Variants in SPIDR observed in about 807,000 individuals in gnomAD.
SPIDR encodes the protein scaffold protein involved in DNA repair, also known as DNA repair-scaffolding protein.
Under a neutral mutation model 104.6 loss-of-function variants are expected in SPIDR, and 93 were observed. The observed-to-expected ratio is 0.89, with a 90% CI of 0.75 to 1.06. The LOEUF (loss-of-function observed/expected upper bound fraction) is 1.06. Among genes scored for constraint, SPIDR ranks in the 50% least tolerant of loss-of-function variants. SPIDR has a pLI of 0.00. For missense variants in SPIDR, 1,154 were observed against 1,111.2 expected (o/e 1.04, Z -0.55); for synonymous variants, 431 against 416.9 (o/e 1.03, Z -0.41).
chr8:47,579,910 T>C (rs997316552), intron 8 of SPIDR, among the ~76,000 whole-genome samples: 3 of 152,238 alleles, frequency 2.0e-5, no homozygotes, highest in Non-Finnish European at 2.9e-5. Flanking sequence ...GGAGATGGTC[T>C]GGTATCTTGG....
At chr8:47,502,082 G>A (rs949369329) in intron 8 of SPIDR, among the ~76,000 whole-genome samples, 3 of 152,172 alleles carry the variant, frequency 2.0e-5, no homozygotes, top group Admixed American at 6.5e-5. Context: ...TGTGCATCAA[G>A]GATATTGGTC....
At chr8:47,379,923 C>G (rs540515294) in intron 5 of SPIDR, among the ~76,000 whole-genome samples, 16 of 152,342 alleles carry the variant, frequency 1.1e-4, no homozygotes, top group African/African-American at 3.4e-4. Flanking sequence ...TCCTAGAACA[C>G]TCACCTGGCT....
intron 9 of SPIDR, among the ~76,000 whole-genome samples, chr8:47,597,297 T>C (rs2061731741): frequency 1.3e-5 from 2 of 152,200 alleles, no homozygotes; most frequent in Admixed American, 1.3e-4. Context: ...ACATGTTCCA[T>C]GTTGGTGTGC....
chr8:47,536,298 A>G (rs961784312), intron 8 of SPIDR, among the ~76,000 whole-genome samples: 18 of 152,286 alleles, frequency 1.2e-4, no homozygotes, highest in African/African-American at 4.1e-4. Flanking sequence ...ACTGATTCTA[A>G]AGTTTCTGTT....
rs782042817 is a variant in SPIDR, at chr8:47,407,898, C to A, written c.814C>A (p.Arg272=). The change falls in exon 7 of 20, where the codon CGA becomes AGA. Residue 272 remains arginine (R), a synonymous_variant. Transcript: ENST00000297423. The part of the protein sequence containing the change: ...LAERLNGLQN[R]ERSAISLWRH... ...AGAAAGACTAAATGGACTGCAGAAT[C>A]GAGAGAGATCTGCTATTTCTTTGTG... 2.0e-5 allele frequency: 32 copies of A among 1,604,526 alleles called. No individual in the cohort carries two copies. The African/African-American group carries it at 4.0e-4, about 20-fold the overall frequency.
intron 5 of SPIDR, among the ~76,000 whole-genome samples, chr8:47,380,368 CT>C (rs1177936012): frequency 6.6e-6 from 1 of 152,126 alleles, no homozygotes; most frequent in Non-Finnish European, 1.5e-5. Flanking sequence ...GAAGGGGGTA[CT>C]TTTCATCTGT....
chr8:47,687,918 C>T (rs1056884982), intron 11 of SPIDR, among the ~76,000 whole-genome samples: 15 of 151,312 alleles, frequency 9.9e-5, no homozygotes, highest in Admixed American at 6.6e-4. Flanking sequence ...AAAAATTAGC[C>T]GAGTGTGGTG....
intron 8 of SPIDR, among the ~76,000 whole-genome samples, chr8:47,490,979 G>C (rs2078606810): frequency 6.6e-6 from 1 of 152,034 alleles, no homozygotes; most frequent in Non-Finnish European, 1.5e-5. Flanking sequence ...GTGTACCCTA[G>C]AACTTAAAGT....
intron 8 of SPIDR, among the ~76,000 whole-genome samples, chr8:47,450,069 TG>T (rs1349896363): frequency 6.6e-6 from 1 of 151,972 alleles, no homozygotes; most frequent in Non-Finnish European, 1.5e-5. Flanking sequence ...GAGGCTGAGG[TG>T]GGAGAATCAC....
chr8:47,307,718 T>C (rs984973087), intron 5 of SPIDR, among the ~76,000 whole-genome samples: 7 of 151,524 alleles, frequency 4.6e-5, no homozygotes, highest in African/African-American at 1.7e-4. Flanking sequence ...TTTGTATTTT[T>C]AGTAGAGATG....
At chr8:47,629,452 T>G (rs1031169143) in intron 10 of SPIDR, among the ~76,000 whole-genome samples, 6 of 152,216 alleles carry the variant, frequency 3.9e-5, no homozygotes, top group Admixed American at 1.3e-4. Flanking sequence ...TGTGTGCCAG[T>G]AGAACTTTAG....
At chr8:47,386,877 GGA>G (rs1241295166) in intron 5 of SPIDR, among the ~76,000 whole-genome samples, 3 of 100,194 alleles carry the variant, frequency 3.0e-5, no homozygotes, top group African/African-American at 7.7e-5. Flanking sequence ...GGGGACGAGG[GGA>G]GAGAGAGAGA....
At chr8:47,321,432 A>G (rs553122114) in intron 5 of SPIDR, among the ~76,000 whole-genome samples, 26 of 152,308 alleles carry the variant, frequency 1.7e-4, no homozygotes, top group Middle Eastern at 3.4e-3. Context: ...CCACTGCTCA[A>G]TGAAATAAAA....
Position 47,735,494 on chromosome 8 carries a change from G to A in SPIDR, c.*44G>A, listed in dbSNP as rs2086159251. On this transcript the variant is annotated 3_prime_UTR_variant, in exon 20 of 20. Coordinates refer to ENST00000297423, the MANE Select transcript of SPIDR (RefSeq NM_001080394.4). ...TGAACTTTGCAATGTGGCTGCAAGGGTGGTGGTGGTGGTGGTGATTTGGGG... is the reference window on the plus strand; with the variant it reads ...TGAACTTTGCAATGTGGCTGCAAGGATGGTGGTGGTGGTGGTGATTTGGGG... 4 of 1,607,552 alleles carry A rather than the reference G, an allele frequency of 2.5e-6. No individual in the cohort carries two copies. The East Asian group carries it at 9.0e-5, about 36-fold the overall frequency.
intron 8 of SPIDR, chr8:47,511,947 G>A (rs1347449157): frequency 2.5e-6 from 2 of 791,712 alleles, no homozygotes; most frequent in Non-Finnish European, 4.6e-6. Context: ...TATCACTAGG[G>A]GCTGTGCCTC....
At chr8:47,593,935 C>T (rs576322937) in intron 8 of SPIDR, among the ~76,000 whole-genome samples, 1 of 152,134 alleles carries the variant, frequency 6.6e-6, no homozygotes, top group Non-Finnish European at 1.5e-5. Flanking sequence ...CTCTGCCACA[C>T]TTCCTCTGGC....
At chr8:47,382,950 CAAAAT>C (rs2059490756) in intron 5 of SPIDR, among the ~76,000 whole-genome samples, 1 of 152,144 alleles carries the variant, frequency 6.6e-6, no homozygotes, top group Non-Finnish European at 1.5e-5. Context: ...TACAGATTGT[CAAAAT>C]AAAGAATCCC....
At chr8:47,378,989 C>T (rs1405297068) in intron 5 of SPIDR, among the ~76,000 whole-genome samples, 1 of 152,196 alleles carries the variant, frequency 6.6e-6, no homozygotes, top group African/African-American at 2.4e-5. Flanking sequence ...CTAGTGTCCA[C>T]ATTGAGTCTT....
At chr8:47,681,765 A>G (rs961777342) in intron 11 of SPIDR, among the ~76,000 whole-genome samples, 2 of 152,208 alleles carry the variant, frequency 1.3e-5, no homozygotes, top group African/African-American at 4.8e-5. Context: ...TCTGCTTAAA[A>G]TAATTTTGAT....
Sources: allele counts gnomAD v4.1 joint callset (sites outside exome capture counted in the v4.1 genomes callset), GRCh38; gene constraint gnomAD v4.1.1; transcripts MANE v1.5; gene names NCBI Gene and HGNC (gene_info 2026-07-23, HGNC 2026-07-21).